Variants in FGF14 observed in about 807,000 individuals in gnomAD.
The protein encoded by FGF14 is fibroblast growth factor 14, also known as fibroblast growth factor homologous factor 4.
In FGF14, 5 loss-of-function variants were observed where a neutral mutation model predicts 25.5. The ratio of observed to expected loss-of-function variants is 0.20; its 90% CI spans 0.10 to 0.41. The LOEUF is 0.41. Among genes scored for constraint, FGF14 ranks in the 10% least tolerant of loss-of-function variants. The pLI is 1.00. For synonymous variants in FGF14, 138 were observed against 118.3 expected (o/e 1.17, Z -1.08); for missense variants, 222 against 320.1 (o/e 0.69, Z 2.34).
intron 1 of FGF14, among the ~76,000 whole-genome samples, chr13:102,189,035 AAAGAAAGAGAAAGAATGAAAG>A (rs2049014274): frequency 1.3e-5 from 1 of 77,670 alleles, no homozygotes; most frequent in African/African-American, 4.7e-5. Context: ...GAAAAGAAAG[AAAGAAAGAGAAAGAATGAAAG>A]AAGAAAAGAA....
At chr13:102,016,192 T>A (rs943420380) in intron 1 of FGF14, among the ~76,000 whole-genome samples, 1 of 152,070 alleles carries the variant, frequency 6.6e-6, no homozygotes, top group Non-Finnish European at 1.5e-5. Flanking sequence ...TCTACATAAT[T>A]CCCATTTTAC....
intron 1 of FGF14, among the ~76,000 whole-genome samples, chr13:102,332,787 A>AC (rs1310376661): frequency 6.6e-6 from 1 of 151,956 alleles, no homozygotes; most frequent in African/African-American, 2.4e-5. Context: ...ATAAAAGAAG[A>AC]CCCCCCAAAA....
chr13:102,342,178 T>C (rs1268691501), intron 1 of FGF14, among the ~76,000 whole-genome samples: 3 of 152,186 alleles, frequency 2.0e-5, no homozygotes, highest in Admixed American at 6.5e-5. Flanking sequence ...ATTGAGGACT[T>C]ATCGTTCCTG....
chr13:102,298,839 C>T (rs1412450561), intron 1 of FGF14, among the ~76,000 whole-genome samples: 2 of 152,118 alleles, frequency 1.3e-5, no homozygotes, highest in Non-Finnish European at 2.9e-5. Context: ...TCTGAGAAAA[C>T]ATCATTTCTT....
intron 1 of FGF14, among the ~76,000 whole-genome samples, chr13:102,047,851 T>C (rs1322917028): frequency 6.6e-6 from 1 of 152,076 alleles, no homozygotes; most frequent in Admixed American, 6.6e-5. Context: ...TCTTTACAAA[T>C]AGTTTTTCTC....
At chr13:101,782,812 A>T (rs1001849936) in intron 3 of FGF14, among the ~76,000 whole-genome samples, 1 of 152,090 alleles carries the variant, frequency 6.6e-6, no homozygotes, top group Non-Finnish European at 1.5e-5. Context: ...GGTTGATTCC[A>T]TGTCTTTGCT....
At chr13:101,767,204 T>C (rs544126096) in intron 3 of FGF14, among the ~76,000 whole-genome samples, 1 of 152,334 alleles carries the variant, frequency 6.6e-6, no homozygotes, top group African/African-American at 2.4e-5. Flanking sequence ...CTATGATTAA[T>C]AATTATAAAG....
At chr13:102,137,416 G>C (rs954472051) in intron 1 of FGF14, among the ~76,000 whole-genome samples, 2 of 152,208 alleles carry the variant, frequency 1.3e-5, no homozygotes, top group Admixed American at 1.3e-4. Flanking sequence ...CCAGGCTGTA[G>C]ATTATTCCAT....
rs547851163 is a variant in FGF14 at position 102,144,653 on chromosome 13, A to G, written c.208+256818T>C. Among the ~76,000 whole-genome samples, 29 of 152,308 alleles carry G rather than the reference A, an allele frequency of 1.9e-4. No individual in the cohort carries two copies. In the South Asian group the frequency reaches 5.6e-3, roughly 29 times the overall value. On this transcript the variant is annotated intron_variant, in intron 1 of 4. Coordinates refer to the FGF14 transcript ENST00000376131. ...TTTATGTAGTACATCTGAGTTGTAG[A>G]GAATTGGAAAAATCATGAATCATTC... is the stretch of plus-strand genomic sequence containing the variant.
chr13:102,392,894 T>C (rs565789877), intron 1 of FGF14, among the ~76,000 whole-genome samples: 67 of 152,322 alleles, frequency 4.4e-4, no homozygotes, highest in African/African-American at 1.5e-3. Context: ...GTAGTCATAA[T>C]GGTTGTCTAA....
intron 1 of FGF14, among the ~76,000 whole-genome samples, chr13:101,947,588 GA>G (rs762125181): frequency 9.9e-5 from 15 of 152,208 alleles, no homozygotes; most frequent in Non-Finnish European, 1.8e-4. Flanking sequence ...TGCAAGAGCA[GA>G]AAACCAAATA....
intron 1 of FGF14, among the ~76,000 whole-genome samples, chr13:102,358,852 A>C (rs1311465716): frequency 1.3e-5 from 2 of 152,194 alleles, no homozygotes; most frequent in African/African-American, 4.8e-5. Context: ...TTATAATCTG[A>C]TACGTGCCAG....
At chr13:102,140,643 T>G (rs1459339965) in intron 1 of FGF14, among the ~76,000 whole-genome samples, 2 of 152,092 alleles carry the variant, frequency 1.3e-5, no homozygotes, top group African/African-American at 4.8e-5. Flanking sequence ...TACCTCTAAA[T>G]AGGGATAAAG....
chr13:102,344,986 G>A (rs2057061554), intron 1 of FGF14, among the ~76,000 whole-genome samples: 1 of 152,146 alleles, frequency 6.6e-6, no homozygotes, highest in Non-Finnish European at 1.5e-5. Flanking sequence ...TAGAACATGA[G>A]GCTGGCTCAC....
At chr13:102,054,309 G>A in intron 1 of FGF14, among the ~76,000 whole-genome samples, 1 of 151,258 alleles carries the variant, frequency 6.6e-6, no homozygotes, top group Non-Finnish European at 1.5e-5. Context: ...TATATTTAGA[G>A]GAGTTCCCTC....
chr13:102,396,752 G>A (rs2058594227), intron 1 of FGF14, among the ~76,000 whole-genome samples: 1 of 152,154 alleles, frequency 6.6e-6, no homozygotes, highest in African/African-American at 2.4e-5. Flanking sequence ...AGATTATCAT[G>A]CATTGAATTT....
chr13:102,104,841 A>T (rs567170017), intron 1 of FGF14, among the ~76,000 whole-genome samples: 11 of 152,268 alleles, frequency 7.2e-5, no homozygotes, highest in African/African-American at 2.6e-4. Context: ...GTAAAATTTC[A>T]GCAGCCACTG....
At chr13:101,841,652 G>T (rs574294169) in intron 3 of FGF14, among the ~76,000 whole-genome samples, 1 of 152,088 alleles carries the variant, frequency 6.6e-6, no homozygotes, top group African/African-American at 2.4e-5. Context: ...CATCGGAATG[G>T]TAACAGTCAC....
rs1566765093 is a variant in FGF14, at chr13:102,161,645, A to AG, written c.208+239825dup. On this transcript the variant is annotated intron_variant, in intron 1 of 4. Coordinates refer to the FGF14 transcript ENST00000376131. ...AAGAAGAAGAAGAAGAAGAAGAAGAAGAAGAAGAAGAAGAAGAAGAAGAAG... is the reference window on the plus strand; with the variant it reads ...AAGAAGAAGAAGAAGAAGAAGAAGAAGGAAGAAGAAGAAGAAGAAGAAGAAG... Among the ~76,000 whole-genome samples, 22 of 12,210 alleles carry AG rather than the reference A, an allele frequency of 1.8e-3. 3 individuals are homozygous for AG. Among genetic ancestry groups the AG allele is most frequent in the Non-Finnish European group, 2.5e-3 (18 of 7,180 alleles). The allele number at this position is 12,210 out of a possible 152,430, so 8.0% of individuals were successfully genotyped here. A position where few individuals can be genotyped will look rare whatever the true frequency, so the allele number is the denominator to read the frequency against.
Sources: gnomAD v4.1 joint callset for allele counts (sites outside exome capture counted in the v4.1 genomes callset) on GRCh38, gnomAD v4.1.1 for gene constraint, MANE v1.5 for transcripts, NCBI Gene and HGNC (gene_info 2026-07-23, HGNC 2026-07-21) for gene names.